GBE1: variants seen among roughly 807,000 people sequenced by gnomAD.
The protein encoded by GBE1 is 1,4-alpha-glucan-branching enzyme.
In GBE1, 70 loss-of-function variants were observed where a neutral mutation model predicts 88.8. The ratio of observed to expected loss-of-function variants is 0.79; its 90% CI spans 0.65 to 0.96. GBE1 has a LOEUF of 0.96. Ranked by LOEUF, GBE1 falls within the 40% of genes least tolerant of loss-of-function variation. The pLI, the probability that GBE1 is intolerant of heterozygous loss-of-function variation, is 0.00. For missense variants in GBE1, 872 were observed against 871.0 expected (o/e 1.00, Z -0.01); for synonymous variants, 284 against 300.1 (o/e 0.95, Z 0.56).
intron 7 of GBE1, among the ~76,000 whole-genome samples, chr3:81,604,326 T>C (rs542151877): frequency 4.0e-5 from 6 of 149,326 alleles, no homozygotes; most frequent in South Asian, 2.1e-4. Context: ...CTCACTTTCT[T>C]GCCCAGGCTG....
intron 1 of GBE1, among the ~76,000 whole-genome samples, chr3:81,751,049 G>A (rs1706522844): frequency 6.6e-6 from 1 of 151,954 alleles, no homozygotes; most frequent in Admixed American, 6.6e-5. Context: ...CCAAGTAGCT[G>A]AAGTGACTGA....
At chr3:81,646,603 G>A (rs947005605) in intron 5 of GBE1, 121 bp from the exon 6 acceptor site, 15 of 611,184 alleles carry the variant, frequency 2.5e-5, no homozygotes, top group South Asian at 1.2e-4. Context: ...AGCTTTGGTC[G>A]TCTTGAAAAG....
intron 8 of GBE1, 83 bp from the exon 9 acceptor site, chr3:81,591,247 G>T: frequency 9.2e-7 from 1 of 1,089,258 alleles, no homozygotes; most frequent in Non-Finnish European, 1.3e-6. Flanking sequence ...CAATTAGTTT[G>T]TTTATATGAA....
intron 14 of GBE1, 151 bp downstream of exon 14, chr3:81,535,044 C>A (rs1418701884): frequency 1.4e-5 from 10 of 704,298 alleles, no homozygotes; most frequent in Non-Finnish European, 2.3e-5. Flanking sequence ...AAGATTTATC[C>A]ATCAACTATT....
Position 81,493,053 on chromosome 3 carries a change from T to C in GBE1, c.2053-2590A>G, listed in dbSNP as rs1702457707. On this transcript the variant is annotated intron_variant, in intron 15 of 15. Coordinates refer to ENST00000429644, the MANE Select transcript of GBE1 (RefSeq NM_000158.4). ...AGCTAGTCATAGTCTACATATTTCATTTTGGGGATCACAGTAACTGGATTT... is the reference window on the plus strand; with the variant it reads ...AGCTAGTCATAGTCTACATATTTCACTTTGGGGATCACAGTAACTGGATTT... Among the ~76,000 whole-genome samples the C allele has an allele frequency of 2.6e-5, 4 of 152,110 alleles. No individual in the cohort carries two copies. The South Asian group carries it at 8.3e-4, about 32-fold the overall frequency.
intron 1 of GBE1, among the ~76,000 whole-genome samples, chr3:81,737,277 G>A (rs1238634476): frequency 7.2e-6 from 1 of 137,990 alleles, no homozygotes; most frequent in Admixed American, 7.5e-5. Flanking sequence ...ATATATTCAT[G>A]TACTTCAAAA....
intron 14 of GBE1, among the ~76,000 whole-genome samples, chr3:81,516,474 G>C (rs905177931): frequency 1.6e-4 from 24 of 151,508 alleles, no homozygotes; most frequent in Non-Finnish European, 3.3e-4. Context: ...CAAGAGCTCT[G>C]ACTGAGATGT....
chr3:81,702,096 AGAGAGAGTGTGTGT>A (rs1559692761), intron 2 of GBE1, among the ~76,000 whole-genome samples: 2 of 34,898 alleles, frequency 5.7e-5, no homozygotes, highest in Non-Finnish European at 1.0e-4. Context: ...AGAGAGAGAG[AGAGAGAGTGTGTGT>A]GTGTGTGTGT....
chr3:81,490,544 C>T (rs1272835587), intron 15 of GBE1, 81 bp from the exon 16 acceptor site: 3 of 1,095,314 alleles, frequency 2.7e-6, no homozygotes, highest in African/African-American at 3.1e-5. Context: ...ATAGGCATGA[C>T]GCAGTCTCAC....
intron 14 of GBE1, among the ~76,000 whole-genome samples, chr3:81,534,051 T>C (rs1351040709): frequency 6.6e-6 from 1 of 152,034 alleles, no homozygotes; most frequent in Admixed American, 6.6e-5. Flanking sequence ...TTCTTTATTG[T>C]AGCTGGAGCC....
At chr3:81,759,512 T>C (rs528678865) in intron 1 of GBE1, among the ~76,000 whole-genome samples, 88 of 152,378 alleles carry the variant, frequency 5.8e-4, no homozygotes, top group African/African-American at 2.0e-3. Context: ...AAAAATGTTT[T>C]ATTCTTCAAG....
chr3:81,710,514 T>C (rs1181297522), intron 1 of GBE1, among the ~76,000 whole-genome samples: 1 of 152,044 alleles, frequency 6.6e-6, no homozygotes, highest in East Asian at 1.9e-4. Context: ...TTTCTAGAAA[T>C]AGTCCACGTT....
chr3:81,620,945 G>GACTC (rs982609776), intron 7 of GBE1, among the ~76,000 whole-genome samples: 4 of 152,174 alleles, frequency 2.6e-5, no homozygotes, highest in African/African-American at 9.7e-5. Flanking sequence ...AAGTCACAGA[G>GACTC]ACTCAGTATA....
At chr3:81,648,028 T>C (rs1704791029) in intron 5 of GBE1, among the ~76,000 whole-genome samples, 1 of 152,030 alleles carries the variant, frequency 6.6e-6, no homozygotes, top group African/African-American at 2.4e-5. Context: ...TTAATTATAA[T>C]TAATACTAAA....
chr3:81,684,636 T>C (rs1415519647), intron 2 of GBE1, among the ~76,000 whole-genome samples: 1 of 152,218 alleles, frequency 6.6e-6, no homozygotes, highest in African/African-American at 2.4e-5. Context: ...CATATGAATT[T>C]TGAGGAGACG....
intron 9 of GBE1, among the ~76,000 whole-genome samples, chr3:81,589,197 A>C (rs1703841941): frequency 6.6e-6 from 1 of 152,064 alleles, no homozygotes; most frequent in Non-Finnish European, 1.5e-5. Flanking sequence ...ACCATTCCAG[A>C]GGGAAAGATA....
intron 7 of GBE1, among the ~76,000 whole-genome samples, chr3:81,602,383 T>A (rs998696209): frequency 5.9e-5 from 9 of 152,208 alleles, no homozygotes; most frequent in Non-Finnish European, 1.3e-4. Context: ...TGTCTTAGTT[T>A]AAGCTCCTAT....
Position 81,535,096 on chromosome 3 carries a change from G to A in GBE1, c.1934+99C>T, listed in dbSNP as rs943968129. ...TCAGATGAGGAAAATGAATGTTTCT[G>A]TCATCAAGATCAACCTTAGTCTTTT... On this transcript the variant is annotated intron_variant, in intron 14 of 15. Transcript: ENST00000429644. The A allele has an allele frequency of 3.7e-6, 4 of 1,079,694 alleles. No homozygotes were observed. The Admixed American group carries it at 9.0e-5, about 24-fold the overall frequency. 66.9% of individuals were successfully genotyped at this position (1,079,694 alleles called of 1,614,324 possible).
intron 7 of GBE1, among the ~76,000 whole-genome samples, chr3:81,634,610 G>C (rs1307205270): frequency 6.6e-6 from 1 of 151,980 alleles, no homozygotes; most frequent in Admixed American, 6.6e-5. Context: ...ACTTGAGAGA[G>C]AGAGAAAAAG....
Sources: allele counts gnomAD v4.1 joint callset (sites outside exome capture counted in the v4.1 genomes callset), GRCh38; gene constraint gnomAD v4.1.1; transcripts MANE v1.5; gene names NCBI Gene and HGNC (gene_info 2026-07-23, HGNC 2026-07-21).